The following FAT3 variants were observed in gnomAD, a reference collection of about 807,000 sequenced individuals.
FAT3 encodes protocadherin Fat 3.
Under a neutral mutation model 310.2 loss-of-function variants are expected in FAT3, and 95 were observed. The ratio of observed to expected loss-of-function variants is 0.31; its 90% CI spans 0.26 to 0.36. FAT3 has a LOEUF of 0.36. FAT3 is among the 10% of genes least tolerant of loss of function. The pLI, the probability that FAT3 is intolerant of heterozygous loss-of-function variation, is 1.00. For synonymous variants in FAT3, 2,314 were observed against 2,192.9 expected (o/e 1.06, Z -1.54); for missense variants, 5,408 against 5,715.6 (o/e 0.95, Z 1.74).
At chr11:92,524,521 T>C in intron 2 of FAT3, 113 bp from the exon 3 acceptor site, 1 of 884,902 alleles carries the variant, frequency 1.1e-6, no homozygotes, top group South Asian at 1.8e-5. Context: ...TGTTATGGAT[T>C]TGGGTGTTTT....
intron 1 of FAT3, among the ~76,000 whole-genome samples, chr11:92,264,819 G>A (rs990462740): frequency 5.3e-5 from 8 of 151,996 alleles, no homozygotes; most frequent in East Asian, 1.9e-4. Context: ...TCTTTAGGGC[G>A]GTCACAGTGA....
chr11:92,593,139 T>C (rs1240208444), intron 3 of FAT3, among the ~76,000 whole-genome samples: 1 of 152,200 alleles, frequency 6.6e-6, no homozygotes, highest in African/African-American at 2.4e-5. Flanking sequence ...CGGAATTTCC[T>C]TCCTTTTAAA....
At chr11:92,746,352 T>C (rs2136040783) in intron 4 of FAT3, among the ~76,000 whole-genome samples, 1 of 152,272 alleles carries the variant, frequency 6.6e-6, no homozygotes, top group East Asian at 1.9e-4. Context: ...GGAACTCTCA[T>C]TTATAAAACC....
intron 2 of FAT3, among the ~76,000 whole-genome samples, chr11:92,477,494 C>A (rs1211156025): frequency 1.3e-5 from 2 of 152,122 alleles, no homozygotes; most frequent in Non-Finnish European, 2.9e-5. Context: ...ATAGGCATGT[C>A]TTTAAATGTT....
chr11:92,859,359 C>G, intron 21 of FAT3, 37 bp downstream of exon 21: 1 of 1,503,904 alleles, frequency 6.6e-7, no homozygotes, highest in Non-Finnish European at 9.0e-7. Flanking sequence ...GCAGTCAGTT[C>G]TCATGTTAGT....
chr11:92,559,941 A>G (rs892466468), intron 3 of FAT3, among the ~76,000 whole-genome samples: 1 of 152,220 alleles, frequency 6.6e-6, no homozygotes, highest in African/African-American at 2.4e-5. Context: ...TTGTATAGAT[A>G]TATATTTTCA....
chr11:92,760,686 A>G (rs1946126912), intron 4 of FAT3, among the ~76,000 whole-genome samples: 1 of 152,174 alleles, frequency 6.6e-6, no homozygotes. Flanking sequence ...ACTGAAGAGG[A>G]TATTTTGGAA....
At position 92,536,055 on chromosome 11, in the gene FAT3, G is replaced by A. The variant is rs145672733; in HGVS notation, c.3607+11107G>A. Among the ~76,000 whole-genome samples the A allele has an allele frequency of 7.2e-4, 110 of 152,244 alleles. 1 individual carries two copies. The East Asian group carries it at 0.018, about 25-fold the overall frequency. ...TGTGAGAACTTAAAGTCCAGTTTTAGTATTGTTACCACTTTATATTCTGAT... is the reference window on the plus strand; with the variant it reads ...TGTGAGAACTTAAAGTCCAGTTTTAATATTGTTACCACTTTATATTCTGAT... On this transcript the variant is annotated intron_variant, in intron 3 of 27. Transcript: ENST00000525166.
rs1228790106 is a variant in FAT3, at chr11:92,729,506, AC to A, written c.3669+32064del. 1.9e-4 allele frequency among the ~76,000 whole-genome samples: 28 copies of A among 146,462 alleles called. No homozygotes were observed. The East Asian group carries it at 5.7e-3, about 30-fold the overall frequency. ...CAGTGGCGTGATCTCGGCTCACTGC[AC>A]CCTCTGCCTCCCGGGTTCAAGCAAT... On this transcript the variant is annotated intron_variant, in intron 4 of 27. Coordinates refer to ENST00000525166, the MANE Select transcript of FAT3 (RefSeq NM_001367949.2).
chr11:92,351,884 A>G (rs995679275), intron 1 of FAT3, among the ~76,000 whole-genome samples: 5 of 152,226 alleles, frequency 3.3e-5, no homozygotes, highest in Admixed American at 1.3e-4. Context: ...CTTGAAAACA[A>G]TTCTTACAAG....
chr11:92,773,548 TC>T (rs1318373914), intron 6 of FAT3, among the ~76,000 whole-genome samples: 1 of 152,190 alleles, frequency 6.6e-6, no homozygotes, highest in Non-Finnish European at 1.5e-5. Flanking sequence ...TAATTTTATT[TC>T]TGACGTTTAA....
rs71064722 is a variant in FAT3 at position 92,754,627 on chromosome 11, C to CAAAAAAAAAAAAAAA, written c.3670-7225_3670-7211dup. Among the ~76,000 whole-genome samples the CAAAAAAAAAAAAAAA allele has an allele frequency of 2.6e-3, 86 of 32,698 alleles. 13 individuals are homozygous for CAAAAAAAAAAAAAAA. Among genetic ancestry groups the CAAAAAAAAAAAAAAA allele is most frequent in the African/African-American group, 0.014 (60 of 4,336 alleles). 21.5% of individuals were successfully genotyped at this position (32,698 alleles called of 152,430 possible). ...TGGGCGACAGAGGAAGACTCTGCCT[C>CAAAAAAAAAAAAAAA]AAAAAAAAAAAAAAAAAAGGAGATA... On this transcript the variant is annotated intron_variant, in intron 4 of 27. Coordinates refer to ENST00000525166, the MANE Select transcript of FAT3 (RefSeq NM_001367949.2).
At chr11:92,857,880 A>G (rs567207887) in intron 20 of FAT3, among the ~76,000 whole-genome samples, 2 of 152,180 alleles carry the variant, frequency 1.3e-5, no homozygotes, top group Non-Finnish European at 2.9e-5. Flanking sequence ...CTGCATCTTA[A>G]GGAAAAAAAA....
intron 4 of FAT3, among the ~76,000 whole-genome samples, chr11:92,723,331 C>T (rs944838231): frequency 6.6e-6 from 1 of 152,150 alleles, no homozygotes; most frequent in African/African-American, 2.4e-5. Context: ...CACCTTTGCT[C>T]CAGTTGCCAA....
At chr11:92,834,823 A>G (rs1274534203) in intron 14 of FAT3, 47 bp from the exon 15 acceptor site, 3 of 1,440,470 alleles carry the variant, frequency 2.1e-6, no homozygotes, top group Non-Finnish European at 2.8e-6. Context: ...ATTGCTGACC[A>G]GTGTTTTTTC....
intron 3 of FAT3, among the ~76,000 whole-genome samples, chr11:92,608,127 G>A (rs368511193): frequency 6.6e-6 from 1 of 152,076 alleles, no homozygotes; most frequent in African/African-American, 2.4e-5. Flanking sequence ...TATGATACAC[G>A]GATAAGTGTA....
chr11:92,592,555 C>T (rs556982908), intron 3 of FAT3, among the ~76,000 whole-genome samples: 1 of 152,108 alleles, frequency 6.6e-6, no homozygotes, highest in East Asian at 1.9e-4. Context: ...TTCCTGACCT[C>T]ATGATCTGCC....
chr11:92,531,126 G>T (rs1305870754), intron 3 of FAT3, among the ~76,000 whole-genome samples: 1 of 152,204 alleles, frequency 6.6e-6, no homozygotes, highest in Non-Finnish European at 1.5e-5. Flanking sequence ...ATGAGTATGT[G>T]TGAAACTGTA....
At chr11:92,421,122 A>G (rs76404242) in intron 2 of FAT3, among the ~76,000 whole-genome samples, 2,315 of 152,274 alleles carry the variant, frequency 0.015, 34 homozygotes, top group Non-Finnish European at 0.025. Context: ...TTTGGATTGG[A>G]TGCTTTTATT....
Sources: gnomAD v4.1 joint callset for allele counts (sites outside exome capture counted in the v4.1 genomes callset) on GRCh38, gnomAD v4.1.1 for gene constraint, MANE v1.5 for transcripts, NCBI Gene and HGNC (gene_info 2026-07-23, HGNC 2026-07-21) for gene names.